TLN2: variants seen among roughly 807,000 people sequenced by gnomAD.
TLN2 encodes the protein talin-2.
A neutral mutation model predicts 294.7 loss-of-function variants in TLN2; 118 were observed. The observed-to-expected ratio is 0.40, with a 90% CI of 0.34 to 0.47. The LOEUF (loss-of-function observed/expected upper bound fraction) is 0.47, where lower values mean the gene tolerates loss of function less well. TLN2 is among the 20% of genes least tolerant of loss of function. The pLI is 0.84. For synonymous variants in TLN2, 1,431 were observed against 1,304.5 expected (o/e 1.10, Z -2.09); for missense variants, 3,083 against 3,282.2 (o/e 0.94, Z 1.48).
At chr15:62,608,734 G>A (rs76780014) in intron 2 of TLN2, among the ~76,000 whole-genome samples, 16,255 of 151,978 alleles carry the variant, frequency 0.11, 1,113 homozygotes, top group African/African-American at 0.17. Context: ...TAGGGAGGTC[G>A]GGGGTAGACT....
intron 1 of TLN2, among the ~76,000 whole-genome samples, chr15:62,557,667 G>T (rs138337321): frequency 6.6e-6 from 1 of 151,930 alleles, no homozygotes; most frequent in Non-Finnish European, 1.5e-5. Flanking sequence ...TCAGCCTCCC[G>T]AGTAGCTGGG....
chr15:62,631,650 C>CTTCTCT (rs1555451412), intron 3 of TLN2, among the ~76,000 whole-genome samples: 2 of 139,990 alleles, frequency 1.4e-5, no homozygotes, highest in Non-Finnish European at 3.0e-5. Flanking sequence ...TCTTTCTTTC[C>CTTCTCT]TTCTTTTTCT....
At chr15:62,563,770 T>C (rs1463647676) in intron 1 of TLN2, among the ~76,000 whole-genome samples, 1 of 152,188 alleles carries the variant, frequency 6.6e-6, no homozygotes, top group Non-Finnish European at 1.5e-5. Context: ...CCTGCGAGGG[T>C]TGGCTTCACT....
chr15:62,561,453 T>C (rs1200275655), intron 1 of TLN2: 4 of 152,284 alleles, frequency 2.6e-5, no homozygotes, highest in Admixed American at 2.6e-4. Context: ...ATGCCTTCTT[T>C]AGGGTCTCTG....
intron 39 of TLN2, 34 bp downstream of exon 39, chr15:62,762,487 G>A: frequency 6.2e-7 from 1 of 1,607,098 alleles, no homozygotes; most frequent in South Asian, 1.1e-5. Flanking sequence ...CTGCCAGCCT[G>A]CATCTCAGCG....
intron 1 of TLN2, among the ~76,000 whole-genome samples, chr15:62,488,095 G>GA (rs891064514): frequency 6.6e-6 from 1 of 150,868 alleles, no homozygotes; most frequent in Non-Finnish European, 1.5e-5. Flanking sequence ...GAAGAAAAGG[G>GA]AAAAAAAAGA....
At chr15:62,501,802 T>A (rs1313949722) in intron 1 of TLN2, among the ~76,000 whole-genome samples, 1 of 152,274 alleles carries the variant, frequency 6.6e-6, no homozygotes, top group Non-Finnish European at 1.5e-5. Flanking sequence ...TCATGTTTTT[T>A]ATTTAATTTT....
intron 46 of TLN2, among the ~76,000 whole-genome samples, chr15:62,793,532 A>AG (rs2065230194): frequency 6.6e-6 from 1 of 152,202 alleles, no homozygotes; most frequent in South Asian, 2.1e-4. Context: ...CCAGACACAC[A>AG]GTTACACATG....
At chr15:62,561,470 G>A (rs1329886582) in intron 1 of TLN2, 1 of 152,188 alleles carries the variant, frequency 6.6e-6, no homozygotes, top group African/African-American at 2.4e-5. Flanking sequence ...TCTGCCTTGG[G>A]GCCATTTTAC....
At chr15:62,726,074 GC>G (rs1197124141) in intron 27 of TLN2, among the ~76,000 whole-genome samples, 5 of 151,080 alleles carry the variant, frequency 3.3e-5, no homozygotes, top group African/African-American at 1.2e-4. Flanking sequence ...TGGGCCCACA[GC>G]TTTGCAAAGT....
chr15:62,541,580 CCTT>C (rs1212955135), intron 1 of TLN2, among the ~76,000 whole-genome samples: 13 of 152,062 alleles, frequency 8.5e-5, no homozygotes, highest in South Asian at 2.1e-4. Flanking sequence ...CTGGATTGAA[CCTT>C]GTTTGCTCAG....
chr15:62,717,788 A>G, intron 24 of TLN2, 99 bp downstream of exon 24: 1 of 876,832 alleles, frequency 1.1e-6, no homozygotes, highest in Non-Finnish European at 1.6e-6. Flanking sequence ...CAGATTATCC[A>G]AGCTCCTAAT....
intron 1 of TLN2, among the ~76,000 whole-genome samples, chr15:62,433,882 A>G (rs906139066): frequency 6.6e-6 from 1 of 151,962 alleles, no homozygotes; most frequent in African/African-American, 2.4e-5. Flanking sequence ...CCAGCTACTC[A>G]GGAGGCTGAG....
chr15:62,483,416 G>A (rs1057061754), intron 1 of TLN2, among the ~76,000 whole-genome samples: 2 of 152,252 alleles, frequency 1.3e-5, no homozygotes, highest in African/African-American at 2.4e-5. Flanking sequence ...GACCTCTTTC[G>A]GGCCAGAACC....
chr15:62,728,166 G>T (rs1318011821), intron 28 of TLN2, among the ~76,000 whole-genome samples: 1 of 151,990 alleles, frequency 6.6e-6, no homozygotes, highest in African/African-American at 2.4e-5. Context: ...AGAGTTAAAC[G>T]CTCATGGCTT....
At chr15:62,505,931 C>T (rs540296248) in intron 1 of TLN2, among the ~76,000 whole-genome samples, 2 of 152,264 alleles carry the variant, frequency 1.3e-5, no homozygotes, top group East Asian at 3.9e-4. Context: ...AGGCTAGTTA[C>T]GTGATGGCTG....
At chr15:62,789,016 A>G (rs999812956) in intron 45 of TLN2, among the ~76,000 whole-genome samples, 4 of 152,142 alleles carry the variant, frequency 2.6e-5, no homozygotes, top group South Asian at 2.1e-4. Context: ...CTGCTGCCCA[A>G]AGGGGTGAAA....
At chr15:62,641,093 C>T (rs1393458572) in intron 3 of TLN2, among the ~76,000 whole-genome samples, 1 of 152,066 alleles carries the variant, frequency 6.6e-6, no homozygotes, top group East Asian at 1.9e-4. Context: ...TGAGCCACTG[C>T]ACCCAGCCCA....
chr15:62,563,259 T>A (rs2043128930), intron 1 of TLN2, among the ~76,000 whole-genome samples: 1 of 152,168 alleles, frequency 6.6e-6, no homozygotes, highest in South Asian at 2.1e-4. Flanking sequence ...CGACATCTAT[T>A]ATGTTTTTTA....
Sources: allele counts gnomAD v4.1 joint callset (sites outside exome capture counted in the v4.1 genomes callset), GRCh38; gene constraint gnomAD v4.1.1; transcripts MANE v1.5; gene names NCBI Gene and HGNC (gene_info 2026-07-23, HGNC 2026-07-21).